Variants in GMEB2 observed in about 807,000 individuals in gnomAD.
The protein encoded by GMEB2 is glucocorticoid modulatory element binding protein 2, also known as glucocorticoid modulatory element-binding protein 2.
In GMEB2, 7 loss-of-function variants were observed where a neutral mutation model predicts 45.7. That is an observed-to-expected ratio of 0.15 (90% confidence interval 0.09 to 0.29). The LOEUF (loss-of-function observed/expected upper bound fraction) is 0.29, where lower values mean the gene tolerates loss of function less well. Among genes scored for constraint, GMEB2 ranks in the 10% least tolerant of loss-of-function variants. The pLI is 1.00. For synonymous variants in GMEB2, 322 were observed against 323.6 expected (o/e 1.00, Z 0.05); for missense variants, 582 against 739.2 (o/e 0.79, Z 2.47).
Position 63,593,103 on chromosome 20 carries a change from C to T in GMEB2, c.620-21G>A, listed in dbSNP as rs549400370. 29 of 1,535,042 alleles carry T rather than the reference C, an allele frequency of 1.9e-5. No homozygotes were observed. The highest frequency in any genetic ancestry group is 2.4e-5 in the Non-Finnish European group (27 of 1,111,994). ...ATTCACTGCAGCCGAAAGGGAACCT[C>T]GGGTGAGTGCTGTTTGGACCACAGT... On this transcript the variant is annotated intron_variant, in intron 6 of 9. Coordinates refer to ENST00000370077, the MANE Select transcript of GMEB2 (RefSeq NM_012384.5). This position sits in a 1 kb window ranked among gnomAD's most constrained non-coding sequence, Gnocchi z 4.7.
At chr20:63,613,476 C>T (rs903737022) in intron 2 of GMEB2, among the ~76,000 whole-genome samples, 18 of 151,882 alleles carry the variant, frequency 1.2e-4, no homozygotes, top group Admixed American at 1.0e-3. Context: ...CAACTGTGTA[C>T]GAAGACAACT....
intron 4 of GMEB2, among the ~76,000 whole-genome samples, chr20:63,600,038 C>T (rs936322506): frequency 6.0e-5 from 9 of 150,124 alleles, no homozygotes; most frequent in African/African-American, 9.8e-5. Flanking sequence ...GCCTTTATTG[C>T]AAAAAAAAAA....
At chr20:63,606,109 C>T (rs980099552) in intron 2 of GMEB2, among the ~76,000 whole-genome samples, 4 of 151,880 alleles carry the variant, frequency 2.6e-5, no homozygotes, top group African/African-American at 4.8e-5. Flanking sequence ...TCAGAAAATA[C>T]AAAATTTTAG....
chr20:63,622,508 G>C (rs1399002314), intron 1 of GMEB2, among the ~76,000 whole-genome samples: 1 of 152,220 alleles, frequency 6.6e-6, no homozygotes, highest in Non-Finnish European at 1.5e-5. Context: ...GGGAGAGGAA[G>C]TCCGCAAGAG....
chr20:63,589,508 G>C lies in GMEB2; in HGVS notation c.*581C>G, dbSNP rs1417291368. 3.7e-6 allele frequency: 1 copy of C among 266,914 alleles called. No individual in the cohort carries two copies. The highest frequency in any genetic ancestry group is 7.0e-6 in the Non-Finnish European group (1 of 142,888). 16.5% of individuals were successfully genotyped at this position (266,914 alleles called of 1,614,324 possible). On this transcript the variant is annotated 3_prime_UTR_variant, in exon 10 of 10. Coordinates refer to ENST00000370077, the MANE Select transcript of GMEB2 (RefSeq NM_012384.5). ...GCACCCATCAGGATCTGCACCCCAA[G>C]CTCCGGGTGCATGTTCCCAACTGGA...
chr20:63,619,775 C>G lies in GMEB2; in HGVS notation c.-57-321G>C, dbSNP rs950274930. 6.1e-6 allele frequency: 1 copy of G among 163,176 alleles called. No homozygotes were observed. The highest frequency in any genetic ancestry group is 1.8e-4 in the East Asian group (1 of 5,420). 10.1% of individuals were successfully genotyped at this position (163,176 alleles called of 1,614,324 possible). A position where few individuals can be genotyped will look rare whatever the true frequency, so the allele number is the denominator to read the frequency against. On this transcript the variant is annotated intron_variant, in intron 1 of 9. Coordinates refer to ENST00000370077, the MANE Select transcript of GMEB2 (RefSeq NM_012384.5). This position sits in a 1 kb window ranked among gnomAD's most constrained non-coding sequence, Gnocchi z 4.6. ...CAAGCAACTTCCCTGGACGCAGGCTCCCGGCTTGCCAGTTCTTCCGTCTCT... is the reference window on the plus strand; with the variant it reads ...CAAGCAACTTCCCTGGACGCAGGCTGCCGGCTTGCCAGTTCTTCCGTCTCT...
At chr20:63,602,127 A>C (rs1283277322) in intron 4 of GMEB2, among the ~76,000 whole-genome samples, 1 of 152,258 alleles carries the variant, frequency 6.6e-6, no homozygotes, top group African/African-American at 2.4e-5. Context: ...CCTGAGATAA[A>C]GGTGAATTCT....
chr20:63,597,200 A>T (rs1351593562), intron 5 of GMEB2, among the ~76,000 whole-genome samples: 3 of 129,532 alleles, frequency 2.3e-5, no homozygotes, highest in Admixed American at 1.9e-4. Context: ...CTCACTCTGT[A>T]ACCCAAGCTG....
At position 63,597,855 on chromosome 20, in the gene GMEB2, G is replaced by A. The variant is rs201568990; in HGVS notation, c.363C>T (p.Asp121=). ...PGINVKCVQY[D]EHVISPKEFV... ...ATTCCTTTGGGCTGATTACATGCTC[G>A]TCGTACTGTGGGGGACACAGTCATG... The change falls in exon 5 of 10, where the codon GAC becomes GAT. Residue 121 remains aspartate (D), a synonymous_variant. Coordinates refer to ENST00000370077, the MANE Select transcript of GMEB2 (RefSeq NM_012384.5). 34 of 1,584,962 alleles carry A rather than the reference G, an allele frequency of 2.1e-5. No individual in the cohort carries two copies. The highest frequency in any genetic ancestry group is 3.3e-4 in the Middle Eastern group (2 of 6,008).
chr20:63,599,177 C>CCCGCTCCTGACCCCCCGGAGCTCACGCGG (rs2083222817), intron 4 of GMEB2, among the ~76,000 whole-genome samples: 1 of 150,658 alleles, frequency 6.6e-6, no homozygotes, highest in African/African-American at 2.5e-5. Flanking sequence ...GCTAACGCGG[C>CCCGCTCCTGACCCCCCGGAGCTCACGCGG]CCGCTCCTGA....
chr20:63,595,944 C>A (rs565863739), intron 5 of GMEB2, among the ~76,000 whole-genome samples, 177 bp from the exon 6 acceptor site: 24 of 152,342 alleles, frequency 1.6e-4, no homozygotes, highest in Admixed American at 1.4e-3. Context: ...CGTGCAGGAC[C>A]CTGCTGCTGA....
chr20:63,596,303 G>A (rs932891564), intron 5 of GMEB2, among the ~76,000 whole-genome samples: 1 of 152,226 alleles, frequency 6.6e-6, no homozygotes, highest in Non-Finnish European at 1.5e-5. Context: ...GGCTTCGTAC[G>A]GCCCAAACTG....
intron 1 of GMEB2, among the ~76,000 whole-genome samples, chr20:63,620,771 C>T (rs529622431): frequency 6.6e-6 from 1 of 152,244 alleles, no homozygotes; most frequent in South Asian, 2.1e-4. Context: ...AAAAAGTCTA[C>T]ATTCTCTGTG....
chr20:63,601,949 G>C (rs1290031982), intron 4 of GMEB2, among the ~76,000 whole-genome samples: 11 of 150,702 alleles, frequency 7.3e-5, no homozygotes, highest in Non-Finnish European at 1.3e-4. Context: ...GGCTTCTGTG[G>C]GGCCTGTGGC....
At chr20:63,610,377 C>T (rs1220372568) in intron 2 of GMEB2, among the ~76,000 whole-genome samples, 4 of 152,146 alleles carry the variant, frequency 2.6e-5, no homozygotes, top group Admixed American at 6.5e-5. Flanking sequence ...AAAAATTAGC[C>T]GGGCGTGGTG....
At chr20:63,604,577 C>A (rs538654839) in intron 3 of GMEB2, among the ~76,000 whole-genome samples, 166 bp downstream of exon 3, 1 of 152,292 alleles carries the variant, frequency 6.6e-6, no homozygotes, top group South Asian at 2.1e-4. Context: ...GCAGGTTCCA[C>A]CTGGGGGACC....
chr20:63,615,709 A>C (rs2089603572), intron 2 of GMEB2, among the ~76,000 whole-genome samples: 1 of 152,172 alleles, frequency 6.6e-6, no homozygotes, highest in Non-Finnish European at 1.5e-5. Flanking sequence ...TCATTAACTA[A>C]AGCCAAACCA....
intron 1 of GMEB2, among the ~76,000 whole-genome samples, chr20:63,626,168 C>G (rs2089670015): frequency 7.4e-6 from 1 of 135,832 alleles, no homozygotes; most frequent in African/African-American, 2.7e-5. Context: ...CCTACAGTGA[C>G]GCGGGCCCCT....
chr20:63,594,301 C>T (rs980187569), intron 6 of GMEB2, among the ~76,000 whole-genome samples: 3 of 152,232 alleles, frequency 2.0e-5, no homozygotes, highest in Admixed American at 2.0e-4. Context: ...GACTACAGGG[C>T]GTGGAAGGCC....
Sources: gnomAD v4.1 joint callset for allele counts (sites outside exome capture counted in the v4.1 genomes callset) on GRCh38, gnomAD v4.1.1 for gene constraint, Gnocchi (gnomAD v3.1) non-coding constraint, MANE v1.5 for transcripts, NCBI Gene and HGNC (gene_info 2026-07-23, HGNC 2026-07-21) for gene names.